Variants in RUFY2 observed in about 807,000 individuals in gnomAD.
RUFY2 encodes the protein RUN and FYVE domain-containing protein 2.
In RUFY2, 49 loss-of-function variants were observed where a neutral mutation model predicts 94.4. The observed-to-expected ratio is 0.52, with a 90% CI of 0.41 to 0.66. RUFY2 has a LOEUF of 0.66. RUFY2 is among the 30% of genes least tolerant of loss of function. RUFY2 has a pLI of 0.00. For missense variants in RUFY2, 541 were observed against 692.8 expected (o/e 0.78, Z 2.46); for synonymous variants, 255 against 235.7 (o/e 1.08, Z -0.75).
Position 68,346,002 on chromosome 10 carries a change from C to T in RUFY2, c.1677+5G>A. ...ATTTTTGGACTCACTTCTTATCTCCCTTACCTTTCTCTTAGAGAGTGAGAA... is the reference window on the plus strand; with the variant it reads ...ATTTTTGGACTCACTTCTTATCTCCTTTACCTTTCTCTTAGAGAGTGAGAA... On this transcript the variant is annotated splice_donor_5th_base_variant and intron_variant, in intron 17 of 17. Coordinates refer to ENST00000602465, the MANE Select transcript of RUFY2 (RefSeq NM_001330103.2). 1.9e-6 allele frequency: 3 copies of T among 1,613,282 alleles called. No homozygotes were observed. The highest frequency in any genetic ancestry group is 1.3e-5 in the African/African-American group (1 of 74,986).
intron 12 of RUFY2, chr10:68,378,390 G>A (rs2048807106): frequency 8.1e-7 from 1 of 1,235,360 alleles, no homozygotes; most frequent in Non-Finnish European, 1.0e-6. Context: ...GGAAATCCAA[G>A]TGCACCCACT....
intron 16 of RUFY2, among the ~76,000 whole-genome samples, chr10:68,351,596 C>T (rs950128062): frequency 2.0e-5 from 3 of 151,238 alleles, no homozygotes; most frequent in South Asian, 2.1e-4. Context: ...ACTACAGGTG[C>T]GTGCCACCAC....
intron 3 of RUFY2, among the ~76,000 whole-genome samples, chr10:68,398,824 T>G (rs1040740329): frequency 6.6e-6 from 1 of 152,060 alleles, no homozygotes; most frequent in Non-Finnish European, 1.5e-5. Flanking sequence ...TCTTATAGCT[T>G]AGCATTTTAA....
chr10:68,405,664 AC>A, intron 1 of RUFY2: 1 of 971,632 alleles, frequency 1.0e-6, no homozygotes, highest in Non-Finnish European at 1.2e-6. Flanking sequence ...CAGGTAAAAT[AC>A]ACTGACAAGG....
intron 1 of RUFY2, chr10:68,406,754 C>A (rs759069797): frequency 6.2e-7 from 1 of 1,609,468 alleles, no homozygotes; most frequent in Admixed American, 1.7e-5. Context: ...GCGGGCTCAC[C>A]CAGGCTCCTG....
At chr10:68,400,421 A>G (rs180739479) in intron 3 of RUFY2, among the ~76,000 whole-genome samples, 4 of 152,264 alleles carry the variant, frequency 2.6e-5, no homozygotes, top group South Asian at 2.1e-4. Context: ...TCACGCCTGT[A>G]ATCCCAGCAC....
At chr10:68,406,379 G>T (rs764382349) in intron 1 of RUFY2, among the ~76,000 whole-genome samples, 3 of 152,170 alleles carry the variant, frequency 2.0e-5, no homozygotes, top group Non-Finnish European at 4.4e-5. Context: ...TATTTTTCGG[G>T]AGTGAAACCA....
chr10:68,373,913 T>C (rs1258960760), intron 13 of RUFY2, among the ~76,000 whole-genome samples: 1 of 151,888 alleles, frequency 6.6e-6, no homozygotes, highest in Non-Finnish European at 1.5e-5. Context: ...AAGATCAGTG[T>C]GGGCAACATA....
At chr10:68,399,139 G>A (rs1328210926) in intron 3 of RUFY2, among the ~76,000 whole-genome samples, 1 of 151,980 alleles carries the variant, frequency 6.6e-6, no homozygotes, top group Non-Finnish European at 1.5e-5. Flanking sequence ...TGCCTCCTGG[G>A]TTCAAGCAAT....
intron 13 of RUFY2, among the ~76,000 whole-genome samples, chr10:68,368,052 G>T (rs1261266473): frequency 1.3e-5 from 2 of 148,796 alleles, no homozygotes; most frequent in Non-Finnish European, 3.0e-5. Context: ...TGCAACCTCC[G>T]CCTCCCGGGT....
Position 68,363,976 on chromosome 10 carries a change from C to G in RUFY2, c.1455+8G>C. ...AGACAGAATTTTTAAAGTTTTACCA[C>G]TATTTACTTTTTTAAGACTAATGAT... On this transcript the variant is annotated splice_region_variant and intron_variant, in intron 14 of 17. Coordinates refer to ENST00000602465, the MANE Select transcript of RUFY2 (RefSeq NM_001330103.2). 1.9e-6 allele frequency: 3 copies of G among 1,561,612 alleles called. No homozygotes were observed. The highest frequency in any genetic ancestry group is 2.6e-6 in the Non-Finnish European group (3 of 1,141,318).
intron 7 of RUFY2, among the ~76,000 whole-genome samples, chr10:68,388,600 G>T (rs2049712571): frequency 6.6e-6 from 1 of 152,052 alleles, no homozygotes; most frequent in Admixed American, 6.6e-5. Flanking sequence ...ACTTTAGGAG[G>T]CCACAGTGGG....
chr10:68,345,619 T>A lies in RUFY2; in HGVS notation c.*149A>T. The A allele has an allele frequency of 1.6e-6, 1 of 612,094 alleles. No homozygotes were observed. Among genetic ancestry groups the A allele is most frequent in the Non-Finnish European group, 2.8e-6 (1 of 359,704 alleles). The allele number at this position is 612,094 out of a possible 1,614,324, so 37.9% of individuals were successfully genotyped here. Reference sequence around the variant, plus strand: ...AATGGGGAAGGAAATATATAACTTGTAATTTCCATGAGCTGAATATGTAGA... The same window carrying A: ...AATGGGGAAGGAAATATATAACTTGAAATTTCCATGAGCTGAATATGTAGA... On this transcript the variant is annotated 3_prime_UTR_variant, in exon 18 of 18. Coordinates refer to ENST00000602465, the MANE Select transcript of RUFY2 (RefSeq NM_001330103.2).
At chr10:68,351,122 ATTTTTTT>A (rs71009048) in intron 16 of RUFY2, among the ~76,000 whole-genome samples, 1 of 78,998 alleles carries the variant, frequency 1.3e-5, no homozygotes, top group African/African-American at 5.4e-5. Flanking sequence ...GTATCCATAC[ATTTTTTT>A]TTTTTTTTTT....
Position 68,359,445 on chromosome 10 carries a change from A to G in RUFY2, c.1551-4044T>C, listed in dbSNP as rs576874849. ...ATTGCGTGTATATATACGTATATATAAATATACATAGTAGTAATGCTACTA... is the reference window on the plus strand; with the variant it reads ...ATTGCGTGTATATATACGTATATATGAATATACATAGTAGTAATGCTACTA... On this transcript the variant is annotated intron_variant, in intron 15 of 17. Coordinates refer to ENST00000602465, the MANE Select transcript of RUFY2 (RefSeq NM_001330103.2). 2.6e-3 allele frequency among the ~76,000 whole-genome samples: 376 copies of G among 144,610 alleles called. 2 individuals carry two copies. The highest frequency in any genetic ancestry group is 4.6e-3 in the Non-Finnish European group (299 of 65,422). The allele number at this position is 144,610 out of a possible 152,430, so 94.9% of individuals were successfully genotyped here.
chr10:68,400,598 C>T (rs911259228), intron 3 of RUFY2, among the ~76,000 whole-genome samples: 1 of 151,672 alleles, frequency 6.6e-6, no homozygotes, highest in East Asian at 1.9e-4. Flanking sequence ...GTTGCTTGAA[C>T]CCATGAGGCG....
At position 68,355,468 on chromosome 10, in the gene RUFY2, A is replaced by G. The variant is rs115927913; in HGVS notation, c.1551-67T>C. 1,515 of 962,962 alleles carry G rather than the reference A, an allele frequency of 1.6e-3. 22 individuals are homozygous for G. The African/African-American group carries it at 0.022, about 14-fold the overall frequency. The allele number at this position is 962,962 out of a possible 1,614,324, so 59.7% of individuals were successfully genotyped here. Reference sequence around the variant, plus strand: ...TTAAATATAGAACACTTAGTATTTCAGTAGGTATTGGTATTTCATAGGATA... The same window carrying G: ...TTAAATATAGAACACTTAGTATTTCGGTAGGTATTGGTATTTCATAGGATA... On this transcript the variant is annotated intron_variant, in intron 15 of 17. Transcript: ENST00000602465.
chr10:68,394,307 G>A (rs2050219835), intron 5 of RUFY2, 21 bp downstream of exon 5: 5 of 1,613,488 alleles, frequency 3.1e-6, no homozygotes, highest in Non-Finnish European at 4.2e-6. Flanking sequence ...TCTGCATTTG[G>A]CACTAGTCAC....
downstream of RUFY2, chr10:68,341,497 CTTAA>C (rs371617131): frequency 1.0e-3 from 1,056 of 1,050,504 alleles, 9 homozygotes; most frequent in African/African-American, 0.014. Context: ...TTTAATATTA[CTTAA>C]TTGATCTTTT....
Sources: allele counts gnomAD v4.1 joint callset (sites outside exome capture counted in the v4.1 genomes callset), GRCh38; gene constraint gnomAD v4.1.1; transcripts MANE v1.5; gene names NCBI Gene and HGNC (gene_info 2026-07-23, HGNC 2026-07-21).